Variants in COL11A1 observed in about 807,000 individuals in gnomAD.
COL11A1 encodes collagen alpha-1(XI) chain.
Under a neutral mutation model 265.2 loss-of-function variants are expected in COL11A1, and 74 were observed. That is an observed-to-expected ratio of 0.28 (90% confidence interval 0.23 to 0.34). The LOEUF (loss-of-function observed/expected upper bound fraction) is 0.34, where lower values mean the gene tolerates loss of function less well. COL11A1 is among the 10% of genes least tolerant of loss of function. The pLI is 1.00. For missense variants in COL11A1, 2,165 were observed against 2,263.6 expected, an observed-to-expected ratio of 0.96 and a Z score of 0.88; for synonymous variants, 816 against 727.6, an observed-to-expected ratio of 1.12 and a Z score of -1.96.
intron 57 of COL11A1, among the ~76,000 whole-genome samples, chr1:102,891,270 T>C (rs1247736695): frequency 1.3e-5 from 2 of 152,266 alleles, no homozygotes; most frequent in South Asian, 2.1e-4. Context: ...AGATCATGAC[T>C]ATTAATTTCT....
chr1:102,992,720 TTAGA>T (rs1664258958), intron 28 of COL11A1, among the ~76,000 whole-genome samples: 1 of 152,064 alleles, frequency 6.6e-6, no homozygotes. Context: ...GATTGGTATA[TTAGA>T]TAGAATAAAA....
At chr1:103,032,115 T>G (rs1338671405) in intron 4 of COL11A1, among the ~76,000 whole-genome samples, 2 of 152,092 alleles carry the variant, frequency 1.3e-5, no homozygotes, top group Non-Finnish European at 1.5e-5. Flanking sequence ...TAATTCAGAA[T>G]TACACTCAGG....
chr1:102,981,556 GA>G, intron 31 of COL11A1, among the ~76,000 whole-genome samples: 1 of 151,960 alleles, frequency 6.6e-6, no homozygotes, highest in Non-Finnish European at 1.5e-5. Flanking sequence ...AGAAAACACA[GA>G]AAAATGACCA....
rs1009058458 is a variant in COL11A1, at chr1:103,089,870, A to T, written c.107-6898T>A. Among the ~76,000 whole-genome samples, 34 of 152,224 alleles carry T rather than the reference A, an allele frequency of 2.2e-4. 1 individual carries two copies. The highest frequency in any genetic ancestry group is 7.7e-4 in the African/African-American group (32 of 41,460). On this transcript the variant is annotated intron_variant, in intron 1 of 66. Transcript: ENST00000370096. ...AAGCAGCGTGGTGGCCCACGCCTGT[A>T]ATCTCAGCACTTTGGGAGGCCGAGG...
At chr1:102,952,869 A>G (rs1291910582) in intron 41 of COL11A1, among the ~76,000 whole-genome samples, 1 of 152,240 alleles carries the variant, frequency 6.6e-6, no homozygotes, top group African/African-American at 2.4e-5. Context: ...TAATCTCAAC[A>G]GAATCACTGG....
chr1:102,876,724 G>A lies in COL11A1; in HGVS notation c.*1295C>T, dbSNP rs1649543872. 6.6e-6 allele frequency: 1 copy of A among 152,172 alleles called. No individual in the cohort carries two copies. Among genetic ancestry groups the A allele is most frequent in the Non-Finnish European group, 1.5e-5 (1 of 67,856 alleles). The allele number at this position is 152,172 out of a possible 1,614,324, so 9.4% of individuals were successfully genotyped here. ...AGTCTTACATATATTACTTAAAATA[G>A]ATACAAAATTCAGTTTTTAATTTTT... On this transcript the variant is annotated 3_prime_UTR_variant, in exon 67 of 67. Transcript: ENST00000370096.
chr1:102,900,883 A>T (rs115500805), intron 54 of COL11A1, among the ~76,000 whole-genome samples: 75 of 152,160 alleles, frequency 4.9e-4, no homozygotes, highest in African/African-American at 1.7e-3. Flanking sequence ...TTTATTCCTT[A>T]TATGTTTTCC....
intron 4 of COL11A1, among the ~76,000 whole-genome samples, chr1:103,043,458 G>T (rs1247935556): frequency 6.6e-6 from 1 of 151,734 alleles, no homozygotes; most frequent in African/African-American, 2.4e-5. Flanking sequence ...ATGAGAGCAG[G>T]GACTTTTCAG....
intron 4 of COL11A1, among the ~76,000 whole-genome samples, chr1:103,073,744 AATG>A (rs1448340335): frequency 6.6e-6 from 1 of 151,972 alleles, no homozygotes; most frequent in Non-Finnish European, 1.5e-5. Flanking sequence ...TGATGCTCTG[AATG>A]AACATTGTTC....
intron 4 of COL11A1, among the ~76,000 whole-genome samples, chr1:103,073,979 T>A (rs2102277760): frequency 6.6e-6 from 1 of 151,938 alleles, no homozygotes; most frequent in East Asian, 1.9e-4. Context: ...GTCTCGAGAG[T>A]GCATCCTTTA....
At position 102,946,970 on chromosome 1, in the gene COL11A1, AAAG is replaced by A. The variant is rs1260054806; in HGVS notation, c.3169-17_3169-15del. The A allele has an allele frequency of 1.9e-6, 3 of 1,598,004 alleles. No homozygotes were observed. The African/African-American group carries it at 4.0e-5, about 21-fold the overall frequency. ...TCCTGGTGAGCCCTAGTATACAGGA[AAAG>A]AAGTATTTTGTTATTAAAGAAAGTA... On this transcript the variant is annotated splice_polypyrimidine_tract_variant and intron_variant, in intron 41 of 66. Coordinates refer to ENST00000370096, the MANE Select transcript of COL11A1 (RefSeq NM_001854.4).
At chr1:102,991,800 T>C (rs914767412) in intron 28 of COL11A1, among the ~76,000 whole-genome samples, 1 of 151,686 alleles carries the variant, frequency 6.6e-6, no homozygotes, top group African/African-American at 2.4e-5. Flanking sequence ...CAAACTGTTA[T>C]CTTGCATACT....
At chr1:102,882,067 G>A (rs1261017679) in intron 64 of COL11A1, among the ~76,000 whole-genome samples, 1 of 152,020 alleles carries the variant, frequency 6.6e-6, no homozygotes, top group African/African-American at 2.4e-5. Context: ...GACATTGGTG[G>A]AACACTCAGA....
Position 102,961,871 on chromosome 1 carries a change from G to T in COL11A1, c.3163C>A (p.Pro1055Thr). The change falls in exon 41 of 67, where the codon CCA becomes ACA. Residue 1055 changes from proline to threonine, a missense_variant. Physicochemically the swap from Pro to Thr is conservative, Grantham distance 38. Coordinates refer to ENST00000370096, the MANE Select transcript of COL11A1 (RefSeq NM_001854.4). ...TTTATTATCATCATACTTACAACTG[G>T]ACCTGGTGGGCCCTGGGGACCTTCC... ...GGEGPQGPPG[P>T]VGSPGERGSA... 1.2e-6 allele frequency: 2 copies of T among 1,613,058 alleles called. No individual in the cohort carries two copies. Among genetic ancestry groups the T allele is most frequent in the South Asian group, 2.2e-5 (2 of 90,890 alleles).
intron 1 of COL11A1, among the ~76,000 whole-genome samples, chr1:103,097,308 T>G (rs1282205807): frequency 6.6e-6 from 1 of 151,960 alleles, no homozygotes; most frequent in East Asian, 1.9e-4. Flanking sequence ...TTATCCCCAC[T>G]GCTTCTTCTC....
At chr1:102,978,677 A>G (rs775137269) in intron 35 of COL11A1, 31 bp downstream of exon 35, 1 of 1,609,976 alleles carries the variant, frequency 6.2e-7, no homozygotes, top group South Asian at 1.1e-5. Context: ...ACTAATTTTC[A>G]TTTTATATTA....
chr1:102,908,308 T>C (rs1345517396), intron 54 of COL11A1, among the ~76,000 whole-genome samples: 1 of 152,152 alleles, frequency 6.6e-6, no homozygotes, highest in African/African-American at 2.4e-5. Flanking sequence ...TCCTGTATGT[T>C]ACAAATATTT....
chr1:102,967,664 C>A (rs1423477606), intron 37 of COL11A1, among the ~76,000 whole-genome samples: 1 of 152,050 alleles, frequency 6.6e-6, no homozygotes, highest in Non-Finnish European at 1.5e-5. Context: ...ATCTTCCTAC[C>A]TTTTTCTGAA....
rs1157058600 is a variant in COL11A1 at position 102,933,265 on chromosome 1, T to A, written c.3600+1184A>T. ...TTGATGATGGTGATGTACAGATGGG[T>A]TTTTGGTGTGGATGTCCTTTCTGTT... On this transcript the variant is annotated intron_variant, in intron 46 of 66. Transcript: ENST00000370096. 4.5e-3 allele frequency among the ~76,000 whole-genome samples: 571 copies of A among 126,078 alleles called. 1 individual carries two copies. The highest frequency in any genetic ancestry group is 7.3e-3 in the Non-Finnish European group (430 of 58,976). The allele number at this position is 126,078 out of a possible 152,430, so 82.7% of individuals were successfully genotyped here. A position where few individuals can be genotyped will look rare whatever the true frequency, so the allele number is the denominator to read the frequency against.
Sources: allele counts gnomAD v4.1 joint callset (sites outside exome capture counted in the v4.1 genomes callset), GRCh38; gene constraint gnomAD v4.1.1; transcripts MANE v1.5; gene names NCBI Gene and HGNC (gene_info 2026-07-23, HGNC 2026-07-21).